The following ANGPTL3 variants were observed in gnomAD, a reference collection of about 807,000 sequenced individuals.
ANGPTL3 encodes the protein angiopoietin like 3, also known as angiopoietin-related protein 3.
ANGPTL3 carries 51 observed loss-of-function variants against 52.7 expected under a neutral mutation model. The ratio of observed to expected loss-of-function variants is 0.97; its 90% CI spans 0.77 to 1.22. The LOEUF (loss-of-function observed/expected upper bound fraction) is 1.22. ANGPTL3 is among the 50% of genes most tolerant of loss of function. ANGPTL3 has a pLI of 0.00. For missense variants in ANGPTL3, 506 were observed against 520.7 expected (o/e 0.97, Z 0.27); for synonymous variants, 185 against 179.8 (o/e 1.03, Z -0.23).
At chr1:62,599,387 T>A (rs1348471643) in intron 2 of ANGPTL3, among the ~76,000 whole-genome samples, 1 of 151,970 alleles carries the variant, frequency 6.6e-6, no homozygotes, top group Non-Finnish European at 1.5e-5. Flanking sequence ...TGATTTCCCT[T>A]AGGGTCGTTA....
At chr1:62,600,793 C>T (rs907041031) in intron 2 of ANGPTL3, among the ~76,000 whole-genome samples, 1 of 151,716 alleles carries the variant, frequency 6.6e-6, no homozygotes, top group African/African-American at 2.4e-5. Flanking sequence ...GAATACATTA[C>T]AATATTCTAA....
chr1:62,604,594 G>A lies in ANGPTL3; in HGVS notation c.1199-39G>A, dbSNP rs559787451. The A allele has an allele frequency of 1.3e-4, 210 of 1,568,036 alleles. No individual in the cohort carries two copies. In the South Asian group the frequency reaches 2.1e-3, roughly 15 times the overall value. On this transcript the variant is annotated intron_variant, in intron 6 of 6. Transcript: ENST00000371129. ...AAATACAGTAACAGTAACTACATAC[G>A]AGTCTGTACCCATTAAATTGCATAT...
At chr1:62,598,520 ATGT>A (rs1296349100) in intron 1 of ANGPTL3, among the ~76,000 whole-genome samples, 173 bp from the exon 2 acceptor site, 1 of 152,084 alleles carries the variant, frequency 6.6e-6, no homozygotes, top group East Asian at 1.9e-4. Flanking sequence ...TTTAAATAAA[ATGT>A]TAAGGACAAA....
chr1:62,604,438 T>C, intron 6 of ANGPTL3, 195 bp from the exon 7 acceptor site: 1 of 885,914 alleles, frequency 1.1e-6, no homozygotes, highest in Non-Finnish European at 1.7e-6. Flanking sequence ...TCAGATTTTC[T>C]ATTTTTTGGT....
At chr1:62,598,152 T>C (rs937554058) in intron 1 of ANGPTL3, 91 bp downstream of exon 1, 7 of 1,180,098 alleles carry the variant, frequency 5.9e-6, no homozygotes, top group East Asian at 2.7e-5. Flanking sequence ...TGAAATACTT[T>C]GTTGCATTGT....
At position 62,603,993 on chromosome 1, in the gene ANGPTL3, A is replaced by G. The variant is rs372222044; in HGVS notation, c.956A>G (p.Lys319Arg). ...LDGEFWLGLE[K>R]IYSIVKQSNY... ...GGAGAATTTTGGTTGGGCCTAGAGAAGATATACTCCATAGTGAAGCAATCT... is the reference window on the plus strand; with the variant it reads ...GGAGAATTTTGGTTGGGCCTAGAGAGGATATACTCCATAGTGAAGCAATCT... Residue 319 changes from lysine to arginine, a missense_variant, in exon 6 of 7, where the codon AAG (lysine) becomes AGG (arginine). Lys to Arg is a conservative substitution (Grantham distance 26). Transcript: ENST00000371129. 1.5e-4 allele frequency: 241 copies of G among 1,613,066 alleles called. 4 individuals carry two copies. The highest frequency in any genetic ancestry group is 1.2e-3 in the East Asian group (52 of 44,838).
chr1:62,601,860 T>C lies in ANGPTL3; in HGVS notation c.813T>C (p.His271=). The change falls in exon 4 of 7, where the codon CAT becomes CAC. Residue 271 remains histidine (H), a synonymous_variant. Coordinates refer to ENST00000371129, the MANE Select transcript of ANGPTL3 (RefSeq NM_014495.4). ...AIRPSNSQVF[H]VYCDVISGSP... ...GACCCAGCAACTCTCAAGTTTTTCA[T>C]GTCTACTGTGATGTTATATCAGGTA... The C allele has an allele frequency of 6.2e-7, 1 of 1,608,652 alleles. No individual in the cohort carries two copies. The highest frequency in any genetic ancestry group is 8.5e-7 in the Non-Finnish European group (1 of 1,175,914).
Position 62,605,017 on chromosome 1 carries a change from T to G in ANGPTL3, c.*200T>G. 3.6e-6 allele frequency: 2 copies of G among 554,416 alleles called. No individual in the cohort carries two copies. Among genetic ancestry groups the G allele is most frequent in the Non-Finnish European group, 6.3e-6 (2 of 319,944 alleles). The allele number at this position is 554,416 out of a possible 1,614,324, so 34.3% of individuals were successfully genotyped here. ...GTTTACATTTCTCAATCAAAATTCT[T>G]ATAATACTATTTGTTTTAAATTTTG... is the stretch of plus-strand genomic sequence containing the variant. On this transcript the variant is annotated 3_prime_UTR_variant, in exon 7 of 7. Transcript: ENST00000371129.
Position 62,597,801 on chromosome 1 carries a change from G to A in ANGPTL3, c.235G>A (p.Asp79Asn), listed in dbSNP as rs767345973. Residue 79 changes from aspartate (D) to asparagine (N), a missense_variant, in exon 1 of 7, where the codon GAT becomes AAT. Coordinates refer to ENST00000371129, the MANE Select transcript of ANGPTL3 (RefSeq NM_014495.4). ...CATATTTCAAAAACTCAACATATTT[G>A]ATCAGTCTTTTTATGATCTATCGCT... Reference protein sequence around the residue: ...NDIFQKLNIFDQSFYDLSLQT... With the variant: ...NDIFQKLNIFNQSFYDLSLQT... 7 of 1,613,414 alleles carry A rather than the reference G, an allele frequency of 4.3e-6. No individual in the cohort carries two copies. The highest frequency in any genetic ancestry group is 5.9e-6 in the Non-Finnish European group (7 of 1,179,644).
At chr1:62,599,914 C>G (rs1649860643) in intron 2 of ANGPTL3, among the ~76,000 whole-genome samples, 1 of 151,898 alleles carries the variant, frequency 6.6e-6, no homozygotes, top group Non-Finnish European at 1.5e-5. Flanking sequence ...TAATAATACT[C>G]TCAAACAGCT....
intron 5 of ANGPTL3, among the ~76,000 whole-genome samples, chr1:62,602,591 T>G (rs988246912): frequency 2.0e-5 from 3 of 151,794 alleles, no homozygotes; most frequent in African/African-American, 7.2e-5. Flanking sequence ...CAATTACATG[T>G]CTGTTCTTAA....
chr1:62,603,930 A>C (rs752888283), intron 5 of ANGPTL3, 39 bp from the exon 6 acceptor site: 35 of 1,599,408 alleles, frequency 2.2e-5, no homozygotes, highest in Non-Finnish European at 2.8e-5. Flanking sequence ...TCCAACCTGT[A>C]CTTAATAACT....
chr1:62,598,216 T>G (rs1040984908), intron 1 of ANGPTL3, among the ~76,000 whole-genome samples, 155 bp downstream of exon 1: 1 of 152,078 alleles, frequency 6.6e-6, no homozygotes, highest in Non-Finnish European at 1.5e-5. Context: ...AATTTCCTAT[T>G]ATAATTTCAA....
At chr1:62,603,101 C>T (rs532626906) in intron 5 of ANGPTL3, among the ~76,000 whole-genome samples, 2 of 151,754 alleles carry the variant, frequency 1.3e-5, no homozygotes, top group African/African-American at 4.8e-5. Flanking sequence ...GAAAGCCCTA[C>T]CTAGAAGGTA....
In ANGPTL3 at chr1:62,604,688, C is replaced by T. The variant is rs1343597378; in HGVS notation, c.1254C>T (p.Asn418=). The change falls in exon 7 of 7, where the codon AAC becomes AAT. Residue 418 remains asparagine (N), a synonymous_variant. Coordinates refer to ENST00000371129, the MANE Select transcript of ANGPTL3 (RefSeq NM_014495.4). ...CGENNLNGKY[N]KPRAKSKPER... ...AAAACAACCTAAATGGTAAATATAA[C>T]AAACCAAGAGCAAAATCTAAGCCAG... 6.2e-7 allele frequency: 1 copy of T among 1,613,112 alleles called. No homozygotes were observed. Among genetic ancestry groups the T allele is most frequent in the Admixed American group, 1.7e-5 (1 of 59,950 alleles).
chr1:62,598,159 T>A, intron 1 of ANGPTL3, 98 bp downstream of exon 1: 2 of 1,128,028 alleles, frequency 1.8e-6, no homozygotes, highest in Non-Finnish European at 2.4e-6. Context: ...CTTTGTTGCA[T>A]TGTTGAAATA....
chr1:62,598,892 T>C (rs1320966700), intron 2 of ANGPTL3, 86 bp downstream of exon 2: 3 of 827,760 alleles, frequency 3.6e-6, no homozygotes, highest in African/African-American at 3.4e-5. Context: ...AAGCTTTAAC[T>C]GGATCATGAG....
chr1:62,598,807 G>A lies in ANGPTL3; in HGVS notation c.606+1G>A, dbSNP rs1356179821. ...TCAAATAAAAGAAATAGAAAATCAG[G>A]TAAGTCAGTATTTTAATGGTATGTC... is the stretch of plus-strand genomic sequence containing the variant. On this transcript the variant is annotated splice_donor_variant, in intron 2 of 6. Coordinates refer to ENST00000371129, the MANE Select transcript of ANGPTL3 (RefSeq NM_014495.4). LOFTEE classifies it high-confidence loss of function. 1.3e-6 allele frequency: 2 copies of A among 1,554,904 alleles called. No homozygotes were observed. Among genetic ancestry groups the A allele is most frequent in the South Asian group, 1.1e-5 (1 of 89,886 alleles).
At chr1:62,603,681 A>G (rs538521790) in intron 5 of ANGPTL3, among the ~76,000 whole-genome samples, 1 of 151,974 alleles carries the variant, frequency 6.6e-6, no homozygotes, top group East Asian at 1.9e-4. Context: ...AGACTTTAAA[A>G]TATCTATAAT....
Sources: allele counts gnomAD v4.1 joint callset (sites outside exome capture counted in the v4.1 genomes callset), GRCh38; gene constraint gnomAD v4.1.1; transcripts MANE v1.5; gene names NCBI Gene and HGNC (gene_info 2026-07-23, HGNC 2026-07-21).